Variants in DPP4 observed in about 807,000 individuals in gnomAD.
The protein encoded by DPP4 is ADCP-2.
Under a neutral mutation model 122.4 loss-of-function variants are expected in DPP4, and 93 were observed. The ratio of observed to expected loss-of-function variants is 0.76; its 90% CI spans 0.64 to 0.90. DPP4 has a LOEUF of 0.90. Among genes scored for constraint, DPP4 ranks in the 40% least tolerant of loss-of-function variants. The pLI, the probability that DPP4 is intolerant of heterozygous loss-of-function variation, is 0.00. For synonymous variants in DPP4, 321 were observed against 302.9 expected (o/e 1.06, Z -0.62); for missense variants, 914 against 907.3 (o/e 1.01, Z -0.09).
chr2:162,046,148 A>C (rs1283817028), intron 4 of DPP4, among the ~76,000 whole-genome samples: 4 of 152,178 alleles, frequency 2.6e-5, no homozygotes, highest in Non-Finnish European at 5.9e-5. Context: ...ATGAGAGGGA[A>C]GAGCGGAGGG....
chr2:161,997,457 C>T (rs944157157), intron 23 of DPP4, among the ~76,000 whole-genome samples: 2 of 152,074 alleles, frequency 1.3e-5, no homozygotes, highest in African/African-American at 4.8e-5. Flanking sequence ...CTCTTAACAT[C>T]TAATAGAGTG....
At chr2:162,005,563 G>A in intron 23 of DPP4, 182 bp downstream of exon 23, 1 of 548,360 alleles carries the variant, frequency 1.8e-6, no homozygotes, top group South Asian at 2.9e-5. Flanking sequence ...GATAAAGACT[G>A]TAATTATGCA....
At chr2:162,050,946 G>T (rs1684361663) in intron 2 of DPP4, among the ~76,000 whole-genome samples, 1 of 152,142 alleles carries the variant, frequency 6.6e-6, no homozygotes, top group African/African-American at 2.4e-5. Flanking sequence ...TCTTAGTTCG[G>T]CCTGGGACAT....
rs754421939 is a variant in DPP4, at chr2:162,073,537, T to C, written c.7-51A>G. ...ATTAGAGGGAAGCGTGTGGCCCCAGTTTCCGTAGGAGGGTCGGGGCTGCTC... is the reference window on the plus strand; with the variant it reads ...ATTAGAGGGAAGCGTGTGGCCCCAGCTTCCGTAGGAGGGTCGGGGCTGCTC... On this transcript the variant is annotated intron_variant, in intron 1 of 25. Transcript: ENST00000360534. 3.8e-6 allele frequency: 6 copies of C among 1,582,420 alleles called. No individual in the cohort carries two copies. In the Admixed American group the frequency reaches 5.0e-5, roughly 13 times the overall value.
At chr2:162,065,006 T>A (rs1684902470) in intron 2 of DPP4, among the ~76,000 whole-genome samples, 1 of 152,212 alleles carries the variant, frequency 6.6e-6, no homozygotes. Context: ...ACATAGGCCG[T>A]CTCCCCGATT....
intron 18 of DPP4, among the ~76,000 whole-genome samples, chr2:162,015,516 T>C (rs144836436): frequency 1.5e-3 from 228 of 152,348 alleles, no homozygotes; most frequent in African/African-American, 5.3e-3. Flanking sequence ...TTTGTTTGAA[T>C]TGGCATTAGT....
chr2:162,011,224 GA>G, intron 20 of DPP4, among the ~76,000 whole-genome samples: 1 of 152,060 alleles, frequency 6.6e-6, no homozygotes, highest in Non-Finnish European at 1.5e-5. Flanking sequence ...TCCCATAAGT[GA>G]AGAGCACAAG....
chr2:162,015,698 C>T (rs1212404886), intron 18 of DPP4, among the ~76,000 whole-genome samples: 1 of 152,156 alleles, frequency 6.6e-6, no homozygotes, highest in Non-Finnish European at 1.5e-5. Context: ...CCCACAGCTC[C>T]ATCCTACATC....
At chr2:162,018,937 G>A (rs922617076) in intron 15 of DPP4, 87 bp from the exon 16 acceptor site, 4 of 1,529,932 alleles carry the variant, frequency 2.6e-6, no homozygotes, top group Non-Finnish European at 3.5e-6. Context: ...TAGTTTCAAA[G>A]ACAGCAGCAT....
intron 18 of DPP4, among the ~76,000 whole-genome samples, chr2:162,014,725 G>C (rs916216243): frequency 6.6e-6 from 1 of 152,110 alleles, no homozygotes; most frequent in African/African-American, 2.4e-5. Context: ...TAACATAAAA[G>C]TGCATCTTAG....
At chr2:162,043,283 C>A (rs1381299835) in intron 5 of DPP4, among the ~76,000 whole-genome samples, 1 of 152,146 alleles carries the variant, frequency 6.6e-6, no homozygotes, top group Admixed American at 6.5e-5. Flanking sequence ...TTCAGCCGGG[C>A]AGACTGTGTT....
intron 2 of DPP4, among the ~76,000 whole-genome samples, chr2:162,059,739 A>G (rs1208565710): frequency 1.3e-5 from 2 of 152,250 alleles, no homozygotes; most frequent in African/African-American, 4.8e-5. Context: ...CAATTATTGG[A>G]AAACAAAACT....
rs764879525 is a variant in DPP4 at position 162,033,557 on chromosome 2, C to G, written c.871G>C (p.Ala291Pro). The change falls in exon 10 of 26, where the codon GCT (alanine) becomes CCT (proline). Residue 291 changes from alanine (A) to proline (P), a missense_variant. Ala to Pro is a conservative substitution (Grantham distance 27, BLOSUM62 -1). Transcript: ENST00000360534. ...NATSIQITAP[A>P]SMLIGDHYLC... Reference sequence around the variant, plus strand: ...GAGTCTTACCCTATCAACATAGAAGCAGGAGCAGTGATTTGTATGGAAGTT... The same window carrying G: ...GAGTCTTACCCTATCAACATAGAAGGAGGAGCAGTGATTTGTATGGAAGTT... The G allele has an allele frequency of 4.3e-6, 7 of 1,612,198 alleles. No individual in the cohort carries two copies. The East Asian group carries it at 1.1e-4, about 26-fold the overall frequency.
intron 11 of DPP4, 102 bp from the exon 12 acceptor site, chr2:162,022,901 T>C (rs752312906): frequency 1.1e-5 from 12 of 1,135,880 alleles, no homozygotes; most frequent in Non-Finnish European, 1.6e-5. Flanking sequence ...TTATAATAAC[T>C]GAGAGCTATC....
intron 10 of DPP4, among the ~76,000 whole-genome samples, chr2:162,029,026 C>A (rs982335396): frequency 1.3e-5 from 2 of 152,192 alleles, no homozygotes; most frequent in Non-Finnish European, 2.9e-5. Flanking sequence ...TAAAGTTCCT[C>A]ACTTAAAGAA....
chr2:162,003,471 G>A (rs530081261), intron 23 of DPP4, among the ~76,000 whole-genome samples: 22 of 152,306 alleles, frequency 1.4e-4, no homozygotes, highest in African/African-American at 4.8e-4. Context: ...GGTAGGGTAG[G>A]TGCCATGAAC....
At chr2:162,021,615 C>T (rs781606363) in intron 12 of DPP4, 3 of 152,182 alleles carry the variant, frequency 2.0e-5, no homozygotes, top group Non-Finnish European at 4.4e-5. Flanking sequence ...CAAGCTGAGG[C>T]GTGCGGTACA....
Position 162,047,519 on chromosome 2 carries a change from C to T in DPP4, c.95-18G>A, listed in dbSNP as rs761783285. On this transcript the variant is annotated intron_variant, in intron 2 of 25. Transcript: ENST00000360534. Reference sequence around the variant, plus strand: ...ATCATCTGCTGGTTGAAAGAAAGAGCCAAATGTTCATTTCAGTAAGATGGA... The same window carrying T: ...ATCATCTGCTGGTTGAAAGAAAGAGTCAAATGTTCATTTCAGTAAGATGGA... 2.0e-6 allele frequency: 3 copies of T among 1,514,376 alleles called. No individual in the cohort carries two copies. Among genetic ancestry groups the T allele is most frequent in the South Asian group, 2.5e-5 (2 of 80,262 alleles). The allele number at this position is 1,514,376 out of a possible 1,614,324, so 93.8% of individuals were successfully genotyped here.
At chr2:162,015,051 T>C (rs1434819096) in intron 18 of DPP4, among the ~76,000 whole-genome samples, 1 of 152,232 alleles carries the variant, frequency 6.6e-6, no homozygotes, top group Non-Finnish European at 1.5e-5. Context: ...CGGGTCTGTC[T>C]CATTCTCTGT....
Sources: allele counts gnomAD v4.1 joint callset (sites outside exome capture counted in the v4.1 genomes callset), GRCh38; gene constraint gnomAD v4.1.1; transcripts MANE v1.5; gene names NCBI Gene and HGNC (gene_info 2026-07-23, HGNC 2026-07-21).